The following EFR3A variants were observed in gnomAD, a reference collection of about 807,000 sequenced individuals.
The protein encoded by EFR3A is protein EFR3 homolog A.
EFR3A carries 76 observed loss-of-function variants against 104.4 expected under a neutral mutation model. That is an observed-to-expected ratio of 0.73 (90% CI 0.60 to 0.88). The LOEUF is 0.88. EFR3A is among the 40% of genes least tolerant of loss of function. The pLI, the probability that EFR3A is intolerant of heterozygous loss-of-function variation, is 0.00. For synonymous variants in EFR3A, 330 were observed against 330.0 expected (o/e 1.00, Z 0.00); for missense variants, 985 against 1,012.5 (o/e 0.97, Z 0.37).
rs554296397 is a variant in EFR3A at position 131,953,210 on chromosome 8, T to C, written c.489-608T>C. Among the ~76,000 whole-genome samples, 279 of 152,314 alleles carry C rather than the reference T, an allele frequency of 1.8e-3. 2 individuals carry two copies. Among genetic ancestry groups the C allele is most frequent in the African/African-American group, 6.5e-3 (271 of 41,570 alleles). On this transcript the variant is annotated intron_variant, in intron 5 of 22. Transcript: ENST00000254624. ...AGGATAAGGCAGCATTCTCTCACTATTATATTGATACATTTTAAGTCACAT... is the reference window on the plus strand; with the variant it reads ...AGGATAAGGCAGCATTCTCTCACTACTATATTGATACATTTTAAGTCACAT...
chr8:131,938,143 T>C, intron 1 of EFR3A: 2 of 395,122 alleles, frequency 5.1e-6, no homozygotes, highest in Non-Finnish European at 4.5e-6. Context: ...TAATTAGAAG[T>C]AAAGTGAACT....
chr8:132,000,516 A>G (rs1821736959), intron 19 of EFR3A, among the ~76,000 whole-genome samples: 1 of 152,150 alleles, frequency 6.6e-6, no homozygotes, highest in South Asian at 2.1e-4. Flanking sequence ...TAGTAGGGTA[A>G]GGTATTTTAG....
chr8:132,010,326 A>G (rs1449264592), intron 22 of EFR3A, among the ~76,000 whole-genome samples: 2 of 149,336 alleles, frequency 1.3e-5, no homozygotes, highest in African/African-American at 4.9e-5. Context: ...TATGTATAAG[A>G]ACAGACTTTT....
chr8:131,935,866 CT>C lies in EFR3A; in HGVS notation c.11-4622del, dbSNP rs371148052. Among the ~76,000 whole-genome samples, 400 of 139,516 alleles carry C rather than the reference CT, an allele frequency of 2.9e-3. 1 individual carries two copies. The highest frequency in any genetic ancestry group is 4.1e-3 in the African/African-American group (155 of 38,032). 91.5% of individuals were successfully genotyped at this position (139,516 alleles called of 152,430 possible). On this transcript the variant is annotated intron_variant, in intron 1 of 22. Transcript: ENST00000254624. ...GGAAGTTGCTTATTTTTAAAGGGGT[CT>C]TTTTTTTTTTAATGATCCAAGTCCC...
intron 22 of EFR3A, among the ~76,000 whole-genome samples, chr8:132,005,907 C>T (rs946864668): frequency 1.3e-5 from 2 of 152,104 alleles, no homozygotes; most frequent in African/African-American, 2.4e-5. Context: ...CATGTTAAGA[C>T]ATCATATTGA....
intron 5 of EFR3A, among the ~76,000 whole-genome samples, chr8:131,951,790 T>G (rs1225068611): frequency 6.6e-6 from 1 of 152,166 alleles, no homozygotes; most frequent in African/African-American, 2.4e-5. Flanking sequence ...ATGCCAACAT[T>G]TTATTTGAAT....
At chr8:131,979,162 TAATC>T (rs1186755767) in intron 13 of EFR3A, 143 bp downstream of exon 13, 6 of 1,084,966 alleles carry the variant, frequency 5.5e-6, no homozygotes, top group Admixed American at 5.8e-5. Flanking sequence ...TGAGATAATT[TAATC>T]AATATGTTTT....
At chr8:131,956,651 G>T (rs773200105) in intron 7 of EFR3A, among the ~76,000 whole-genome samples, 3 of 152,074 alleles carry the variant, frequency 2.0e-5, no homozygotes, top group Non-Finnish European at 4.4e-5. Context: ...GTAACATCCA[G>T]AATTCTTTAT....
At chr8:132,004,521 C>T (rs916227169) in intron 22 of EFR3A, among the ~76,000 whole-genome samples, 3 of 152,186 alleles carry the variant, frequency 2.0e-5, no homozygotes, top group African/African-American at 4.8e-5. Context: ...AGTCCCCATC[C>T]TTGGAAAAAC....
At chr8:131,923,502 G>GTTTTT (rs917163877) in intron 1 of EFR3A, among the ~76,000 whole-genome samples, 1 of 111,538 alleles carries the variant, frequency 9.0e-6, no homozygotes, top group African/African-American at 3.2e-5. Flanking sequence ...ATGTCAGGGT[G>GTTTTT]TTTTTTTTTT....
At chr8:131,956,469 C>T (rs1484042413) in intron 7 of EFR3A, among the ~76,000 whole-genome samples, 3 of 152,154 alleles carry the variant, frequency 2.0e-5, no homozygotes, top group African/African-American at 7.2e-5. Flanking sequence ...TCTCTCAAGC[C>T]TTGTCAAGCC....
chr8:131,915,158 G>A (rs920377313), intron 1 of EFR3A, among the ~76,000 whole-genome samples: 2 of 152,160 alleles, frequency 1.3e-5, no homozygotes, highest in Non-Finnish European at 2.9e-5. Flanking sequence ...GGTTTCAGTA[G>A]TGTTGGCTAC....
chr8:131,918,154 G>T (rs1293078057), intron 1 of EFR3A, among the ~76,000 whole-genome samples: 2 of 152,152 alleles, frequency 1.3e-5, no homozygotes, highest in East Asian at 3.9e-4. Context: ...GGGCGTGGTG[G>T]CGCATGCCTG....
chr8:131,926,444 T>G (rs1001084518), intron 1 of EFR3A, among the ~76,000 whole-genome samples: 3 of 152,144 alleles, frequency 2.0e-5, no homozygotes, highest in Admixed American at 2.0e-4. Flanking sequence ...TTGTATCTTC[T>G]TATTTCGTGT....
intron 12 of EFR3A, among the ~76,000 whole-genome samples, chr8:131,978,222 G>A (rs950692846): frequency 6.6e-6 from 1 of 151,966 alleles, no homozygotes; most frequent in Non-Finnish European, 1.5e-5. Flanking sequence ...ATTTTGCCTT[G>A]CCTTTCTGAT....
At chr8:131,922,655 C>G (rs1817106275) in intron 1 of EFR3A, among the ~76,000 whole-genome samples, 1 of 152,128 alleles carries the variant, frequency 6.6e-6, no homozygotes, top group African/African-American at 2.4e-5. Context: ...GTTATTCTGA[C>G]TAGTAAATGG....
intron 1 of EFR3A, among the ~76,000 whole-genome samples, chr8:131,936,609 A>G (rs1817903624): frequency 6.6e-6 from 1 of 152,084 alleles, no homozygotes; most frequent in African/African-American, 2.4e-5. Context: ...TGCTTCTGCC[A>G]GCTATAAATC....
intron 8 of EFR3A, among the ~76,000 whole-genome samples, chr8:131,964,139 G>T (rs1332705645): frequency 6.6e-6 from 1 of 152,012 alleles, no homozygotes; most frequent in Non-Finnish European, 1.5e-5. Flanking sequence ...AAAACTGGAA[G>T]CATTCCCTTT....
intron 8 of EFR3A, among the ~76,000 whole-genome samples, chr8:131,964,154 A>G (rs1380245282): frequency 6.6e-6 from 1 of 152,028 alleles, no homozygotes; most frequent in African/African-American, 2.4e-5. Context: ...CCCTTTGAAA[A>G]CTGGCACAAG....
Sources: gnomAD v4.1 joint callset for allele counts (sites outside exome capture counted in the v4.1 genomes callset) on GRCh38, gnomAD v4.1.1 for gene constraint, MANE v1.5 for transcripts, NCBI Gene and HGNC (gene_info 2026-07-23, HGNC 2026-07-21) for gene names.